CERS6: variants seen among roughly 807,000 people sequenced by gnomAD.
CERS6 encodes ceramide synthase 6.
Under a neutral mutation model 56.8 loss-of-function variants are expected in CERS6, and 26 were observed. The observed-to-expected ratio is 0.46, with a 90% CI of 0.34 to 0.63. The LOEUF is 0.63. Ranked by LOEUF, CERS6 falls within the 30% of genes least tolerant of loss-of-function variation. The probability of loss-of-function intolerance (pLI) is 0.01; values close to 1 mark genes in which losing one functional copy is unlikely to be tolerated. For missense variants in CERS6, 415 were observed against 467.5 expected, an observed-to-expected ratio of 0.89 and a Z score of 1.04; for synonymous variants, 164 against 173.3, an observed-to-expected ratio of 0.95 and a Z score of 0.42.
intron 1 of CERS6, among the ~76,000 whole-genome samples, chr2:168,488,370 A>G (rs983754798): frequency 2.6e-5 from 4 of 152,188 alleles, no homozygotes; most frequent in Non-Finnish European, 4.4e-5. Context: ...TAGCCAATCT[A>G]TATATTAATG....
At chr2:168,602,226 T>TG (rs1165662322) in intron 3 of CERS6, among the ~76,000 whole-genome samples, 1 of 152,210 alleles carries the variant, frequency 6.6e-6, no homozygotes. Flanking sequence ...AGTATTTTTT[T>TG]CAGATCAAGT....
At chr2:168,757,348 C>T (rs1423981760) in intron 8 of CERS6, among the ~76,000 whole-genome samples, 2 of 144,862 alleles carry the variant, frequency 1.4e-5, no homozygotes, top group African/African-American at 2.6e-5. Context: ...GCAGCAACTA[C>T]TTTTGGAGGA....
Position 168,774,701 on chromosome 2 carries a change from T to C in CERS6, c.*5039T>C, listed in dbSNP as rs1430722013. 1 of 152,138 alleles carries C rather than the reference T, an allele frequency of 6.6e-6. No homozygotes were observed. The highest frequency in any genetic ancestry group is 2.1e-4 in the South Asian group (1 of 4,832). 9.4% of individuals were successfully genotyped at this position (152,138 alleles called of 1,614,324 possible). ...ACAGTTATGTGATGATTCTGAAACT[T>C]TAACTTAGAGCTTCATTACTTTAAG... On this transcript the variant is annotated 3_prime_UTR_variant, in exon 10 of 10. Transcript: ENST00000305747.
intron 1 of CERS6, among the ~76,000 whole-genome samples, chr2:168,515,515 G>A (rs777599453): frequency 4.6e-5 from 7 of 152,228 alleles, no homozygotes; most frequent in Non-Finnish European, 7.3e-5. Context: ...TGGAAAGTGG[G>A]GACCACTTTA....
At chr2:168,620,383 A>G (rs1369042382) in intron 3 of CERS6, among the ~76,000 whole-genome samples, 1 of 152,114 alleles carries the variant, frequency 6.6e-6, no homozygotes. Flanking sequence ...GAACTTACTC[A>G]TGTAACCAAA....
intron 3 of CERS6, among the ~76,000 whole-genome samples, chr2:168,574,159 T>A (rs760586808): frequency 6.6e-6 from 1 of 152,242 alleles, no homozygotes; most frequent in Non-Finnish European, 1.5e-5. Context: ...CAGTTCTTAC[T>A]GATTCTAGTT....
At chr2:168,558,636 A>G (rs557798451) in intron 2 of CERS6, among the ~76,000 whole-genome samples, 32 of 152,286 alleles carry the variant, frequency 2.1e-4, no homozygotes, top group South Asian at 1.9e-3. Context: ...TTGGGAGGCC[A>G]AGGCGGGTGG....
At chr2:168,679,337 G>C (rs1686151060) in intron 4 of CERS6, among the ~76,000 whole-genome samples, 1 of 152,114 alleles carries the variant, frequency 6.6e-6, no homozygotes, top group Non-Finnish European at 1.5e-5. Flanking sequence ...TCACCACAAA[G>C]AAACAATTAC....
intron 4 of CERS6, among the ~76,000 whole-genome samples, chr2:168,657,169 C>A (rs528462037): frequency 2.1e-4 from 32 of 152,222 alleles, no homozygotes; most frequent in Admixed American, 7.2e-4. Flanking sequence ...GAGCTAAACA[C>A]AGGGTGCTGA....
intron 3 of CERS6, among the ~76,000 whole-genome samples, chr2:168,599,281 A>G (rs890012406): frequency 6.6e-6 from 1 of 151,646 alleles, no homozygotes; most frequent in Non-Finnish European, 1.5e-5. Flanking sequence ...CCTATTTCTC[A>G]CTCCTTTTCC....
intron 1 of CERS6, among the ~76,000 whole-genome samples, chr2:168,497,759 G>T (rs1694498788): frequency 6.6e-6 from 1 of 152,180 alleles, no homozygotes; most frequent in African/African-American, 2.4e-5. Context: ...AGTGACATGG[G>T]ATGCCGTTAG....
intron 1 of CERS6, among the ~76,000 whole-genome samples, chr2:168,482,472 G>A (rs1438238795): frequency 6.6e-6 from 1 of 152,258 alleles, no homozygotes. Context: ...AAAATGCACA[G>A]TACAAGTTGT....
chr2:168,469,086 T>C (rs946907811), intron 1 of CERS6, among the ~76,000 whole-genome samples: 1 of 152,212 alleles, frequency 6.6e-6, no homozygotes, highest in African/African-American at 2.4e-5. Context: ...TGGGATCACA[T>C]TTATGAAAAT....
intron 4 of CERS6, among the ~76,000 whole-genome samples, chr2:168,649,247 T>G (rs1039878239): frequency 6.6e-5 from 10 of 151,830 alleles, no homozygotes; most frequent in African/African-American, 2.4e-4. Flanking sequence ...TTACTCCACT[T>G]AAAACAGAAG....
chr2:168,654,479 G>A (rs1377935044), intron 4 of CERS6, among the ~76,000 whole-genome samples: 1 of 152,116 alleles, frequency 6.6e-6, no homozygotes, highest in Admixed American at 6.5e-5. Flanking sequence ...GGAGGTGGAG[G>A]ATGAAGTGAG....
intron 1 of CERS6, among the ~76,000 whole-genome samples, chr2:168,546,983 A>G (rs1695477304): frequency 6.6e-6 from 1 of 152,218 alleles, no homozygotes; most frequent in African/African-American, 2.4e-5. Context: ...GTGGATGTTC[A>G]TAAACACTTG....
At chr2:168,637,018 A>T (rs1684875555) in intron 4 of CERS6, among the ~76,000 whole-genome samples, 1 of 152,148 alleles carries the variant, frequency 6.6e-6, no homozygotes, top group Non-Finnish European at 1.5e-5. Flanking sequence ...GACTATCCTA[A>T]CTAATGGCTT....
At chr2:168,563,312 C>G (rs1695825691) in intron 3 of CERS6, among the ~76,000 whole-genome samples, 1 of 152,152 alleles carries the variant, frequency 6.6e-6, no homozygotes, top group African/African-American at 2.4e-5. Context: ...ATAAATAAGA[C>G]AGTCATAGTT....
In CERS6 at chr2:168,757,514, C is replaced by T. The variant is rs149937151; in HGVS notation, c.846-8078C>T. Among the ~76,000 whole-genome samples the T allele has an allele frequency of 1.7e-3, 255 of 152,238 alleles. 1 individual carries two copies. The highest frequency in any genetic ancestry group is 3.1e-3 in the Non-Finnish European group (209 of 68,014). ...CTGTTGGCTAAGAATACAGATAGAA[C>T]TATAACGTGCACTGCTAAATGAAAG... On this transcript the variant is annotated intron_variant, in intron 8 of 9. Coordinates refer to ENST00000305747, the MANE Select transcript of CERS6 (RefSeq NM_203463.3).
Sources: allele counts gnomAD v4.1 joint callset (sites outside exome capture counted in the v4.1 genomes callset), GRCh38; gene constraint gnomAD v4.1.1; transcripts MANE v1.5; gene names NCBI Gene and HGNC (gene_info 2026-07-23, HGNC 2026-07-21).